CNTN3: variants seen among roughly 807,000 people sequenced by gnomAD.
The protein encoded by CNTN3 is contactin-3.
Under a neutral mutation model 119.1 loss-of-function variants are expected in CNTN3, and 60 were observed. The observed-to-expected ratio is 0.50, with a 90% CI of 0.41 to 0.62. The LOEUF (loss-of-function observed/expected upper bound fraction) is 0.62. CNTN3 is among the 20% of genes least tolerant of loss of function. The probability of loss-of-function intolerance (pLI) is 0.00; values close to 1 mark genes in which losing one functional copy is unlikely to be tolerated. For synonymous variants in CNTN3, 450 were observed against 438.7 expected, an observed-to-expected ratio of 1.03 and a Z score of -0.32; for missense variants, 1,101 against 1,242.4, an observed-to-expected ratio of 0.89 and a Z score of 1.71.
At chr3:74,439,853 A>G (rs1701932236) in intron 4 of CNTN3, among the ~76,000 whole-genome samples, 1 of 152,182 alleles carries the variant, frequency 6.6e-6, no homozygotes, top group African/African-American at 2.4e-5. Context: ...AACAACTCTA[A>G]TTAAGTGCCT....
intron 13 of CNTN3, among the ~76,000 whole-genome samples, chr3:74,312,655 C>T (rs1702720696): frequency 6.6e-6 from 1 of 151,938 alleles, no homozygotes; most frequent in East Asian, 1.9e-4. Flanking sequence ...CATTAGACGA[C>T]TGAGACCTAC....
intron 11 of CNTN3, among the ~76,000 whole-genome samples, chr3:74,339,268 G>A (rs1703473030): frequency 6.6e-6 from 1 of 152,040 alleles, no homozygotes; most frequent in South Asian, 2.1e-4. Context: ...GGGAGATACA[G>A]ACTATATCCT....
chr3:74,375,013 T>C (rs1316181370), intron 5 of CNTN3, among the ~76,000 whole-genome samples: 2 of 152,020 alleles, frequency 1.3e-5, no homozygotes, highest in Non-Finnish European at 2.9e-5. Context: ...TAAAAAATGG[T>C]TTTATAAACA....
chr3:74,441,316 G>A (rs1331024971), intron 4 of CNTN3, among the ~76,000 whole-genome samples: 2 of 152,050 alleles, frequency 1.3e-5, no homozygotes, highest in Non-Finnish European at 2.9e-5. Context: ...TAGCATCCTT[G>A]TTTCCATGGA....
intron 1 of CNTN3, among the ~76,000 whole-genome samples, chr3:74,525,079 T>A (rs1300770639): frequency 6.6e-6 from 1 of 151,790 alleles, no homozygotes; most frequent in Admixed American, 6.6e-5. Flanking sequence ...GGTGAAATAA[T>A]CATATTTGAA....
At chr3:74,301,278 T>C (rs899534982) in intron 16 of CNTN3, 120 bp downstream of exon 16, 4 of 1,024,222 alleles carry the variant, frequency 3.9e-6, no homozygotes, top group Admixed American at 4.5e-5. Context: ...TTAGAAAGGT[T>C]AGATAACTGC....
chr3:74,611,530 A>G (rs1279733223), intron 1 of CNTN3, among the ~76,000 whole-genome samples: 1 of 152,150 alleles, frequency 6.6e-6, no homozygotes, highest in African/African-American at 2.4e-5. Flanking sequence ...CACTCGATCC[A>G]TTTCTGAAAT....
intron 4 of CNTN3, among the ~76,000 whole-genome samples, chr3:74,484,194 C>T (rs1201503150): frequency 6.6e-6 from 1 of 152,142 alleles, no homozygotes; most frequent in African/African-American, 2.4e-5. Flanking sequence ...AGTCCACCAA[C>T]ACCATCTTGT....
chr3:74,343,171 T>C (rs1219872304), intron 11 of CNTN3, among the ~76,000 whole-genome samples: 3 of 152,266 alleles, frequency 2.0e-5, no homozygotes, highest in African/African-American at 7.2e-5. Flanking sequence ...TGAGCGACAA[T>C]GGTTTCCTGA....
chr3:74,532,609 C>T (rs1201290323), intron 1 of CNTN3, among the ~76,000 whole-genome samples: 2 of 151,926 alleles, frequency 1.3e-5, no homozygotes, highest in Non-Finnish European at 2.9e-5. Context: ...AGGTGGGGAG[C>T]GTCCACAGCG....
chr3:74,439,080 A>G (rs1389040324), intron 4 of CNTN3, among the ~76,000 whole-genome samples: 1 of 152,188 alleles, frequency 6.6e-6, no homozygotes. Flanking sequence ...TAATTAGGTT[A>G]ATTAGCTTAA....
At chr3:74,588,340 G>C (rs1269808931) in intron 1 of CNTN3, among the ~76,000 whole-genome samples, 1 of 152,066 alleles carries the variant, frequency 6.6e-6, no homozygotes, top group Admixed American at 6.6e-5. Context: ...AATCATGAGT[G>C]AACTCCCGTT....
At position 74,613,269 on chromosome 3, in the gene CNTN3, CTT is replaced by C. The variant is rs758332591; in HGVS notation, c.-81+1120_-81+1121del. On this transcript the variant is annotated intron_variant, in intron 1 of 22. Transcript: ENST00000263665. ...AACCACAGCACGTACAGTCTTCCTA[CTT>C]TTTTTTTTTTTTTTTTAGTTATTCT... Among the ~76,000 whole-genome samples the C allele has an allele frequency of 8.1e-3, 1,071 of 132,418 alleles. 12 individuals carry two copies. The highest frequency in any genetic ancestry group is 0.023 in the African/African-American group (857 of 36,598). 86.9% of individuals were successfully genotyped at this position (132,418 alleles called of 152,430 possible). A position where few individuals can be genotyped will look rare whatever the true frequency, so the allele number is the denominator to read the frequency against.
At chr3:74,499,148 C>T (rs995994206) in intron 3 of CNTN3, among the ~76,000 whole-genome samples, 1 of 151,520 alleles carries the variant, frequency 6.6e-6, no homozygotes, top group Non-Finnish European at 1.5e-5. Flanking sequence ...AAAATATAGA[C>T]TTTAACTTGA....
intron 4 of CNTN3, among the ~76,000 whole-genome samples, chr3:74,442,687 G>A (rs1701986891): frequency 6.6e-6 from 1 of 152,180 alleles, no homozygotes; most frequent in Non-Finnish European, 1.5e-5. Flanking sequence ...GTAGCTCCAT[G>A]GGTGGTGCAA....
intron 11 of CNTN3, among the ~76,000 whole-genome samples, chr3:74,351,129 T>C (rs1487168132): frequency 6.6e-6 from 1 of 152,190 alleles, no homozygotes; most frequent in Non-Finnish European, 1.5e-5. Context: ...ATGAAAGCCA[T>C]ATTAACAGCA....
At chr3:74,550,591 T>G (rs1489467746) in intron 1 of CNTN3, among the ~76,000 whole-genome samples, 2 of 152,268 alleles carry the variant, frequency 1.3e-5, no homozygotes, top group South Asian at 4.1e-4. Context: ...CAGGCTGGAG[T>G]GCAGTGGTGC....
At chr3:74,477,991 C>T (rs2107019571) in intron 4 of CNTN3, among the ~76,000 whole-genome samples, 1 of 152,224 alleles carries the variant, frequency 6.6e-6, no homozygotes, top group Non-Finnish European at 1.5e-5. Flanking sequence ...AAGGGAAACA[C>T]AGAAGTCATT....
intron 1 of CNTN3, among the ~76,000 whole-genome samples, chr3:74,566,907 T>C (rs924485371): frequency 6.6e-6 from 1 of 152,086 alleles, no homozygotes; most frequent in African/African-American, 2.4e-5. Flanking sequence ...ATGGAACAAA[T>C]ACCCTCAGTG....
Sources: allele counts gnomAD v4.1 joint callset (sites outside exome capture counted in the v4.1 genomes callset), GRCh38; gene constraint gnomAD v4.1.1; transcripts MANE v1.5; gene names NCBI Gene and HGNC (gene_info 2026-07-23, HGNC 2026-07-21).